Variants in UBE2L3 observed in about 807,000 individuals in gnomAD.
The protein encoded by UBE2L3 is ubiquitin conjugating enzyme E2 L3, also known as ubiquitin-conjugating enzyme E2 L3.
In UBE2L3, 1 loss-of-function variant was observed where a neutral mutation model predicts 17.8. The observed-to-expected ratio is 0.06, with a 90% CI of 0.02 to 0.27. The LOEUF (loss-of-function observed/expected upper bound fraction) is 0.27, where lower values mean the gene tolerates loss of function less well. UBE2L3 is among the 10% of genes least tolerant of loss of function. The pLI, the probability that UBE2L3 is intolerant of heterozygous loss-of-function variation, is 1.00. For synonymous variants in UBE2L3, 44 were observed against 68.5 expected (o/e 0.64, Z 1.76); for missense variants, 40 against 192.6 (o/e 0.21, Z 4.69).
intron 2 of UBE2L3, among the ~76,000 whole-genome samples, chr22:21,596,067 T>G (rs919517187): frequency 1.3e-5 from 2 of 152,110 alleles, no homozygotes; most frequent in African/African-American, 2.4e-5. Context: ...GGTTTCACCA[T>G]GTTGGCCAGG....
chr22:21,612,015 G>A (rs1929507781), intron 3 of UBE2L3, among the ~76,000 whole-genome samples: 1 of 152,168 alleles, frequency 6.6e-6, no homozygotes, highest in African/African-American at 2.4e-5. Flanking sequence ...GGTGCCACCA[G>A]TCCCTGTGGG....
intron 3 of UBE2L3, among the ~76,000 whole-genome samples, chr22:21,619,494 C>T (rs1394849931): frequency 6.6e-6 from 1 of 152,194 alleles, no homozygotes; most frequent in Non-Finnish European, 1.5e-5. Flanking sequence ...CTCGCCTCTG[C>T]CCCACTGCTT....
chr22:21,564,582 A>G (rs542622680), upstream of UBE2L3, among the ~76,000 whole-genome samples: 1 of 152,182 alleles, frequency 6.6e-6, no homozygotes, highest in African/African-American at 2.4e-5. Context: ...GCAAAGTGCA[A>G]GGGAGTCATC....
At chr22:21,561,153 G>A (rs1926417630) in intron 1 of UBE2L3, among the ~76,000 whole-genome samples, 1 of 152,286 alleles carries the variant, frequency 6.6e-6, no homozygotes, top group African/African-American at 2.4e-5. Context: ...CCTCTGACCA[G>A]CCAGATGACT....
intron 1 of UBE2L3, among the ~76,000 whole-genome samples, chr22:21,571,049 C>T (rs1390418214): frequency 6.6e-6 from 1 of 152,194 alleles, no homozygotes; most frequent in Non-Finnish European, 1.5e-5. Context: ...ATGATAAAGT[C>T]TTTTATTTCA....
chr22:21,600,367 C>T (rs1238355925), intron 2 of UBE2L3, among the ~76,000 whole-genome samples: 1 of 151,666 alleles, frequency 6.6e-6, no homozygotes, highest in East Asian at 1.9e-4. Flanking sequence ...CTATTTACTT[C>T]CAAAGGGAAT....
At chr22:21,561,613 C>T (rs1412281268) in intron 1 of UBE2L3, among the ~76,000 whole-genome samples, 5 of 152,286 alleles carry the variant, frequency 3.3e-5, no homozygotes, top group African/African-American at 1.2e-4. Context: ...ATGCATCTTC[C>T]TGTCAGCTTA....
intron 3 of UBE2L3, among the ~76,000 whole-genome samples, chr22:21,617,889 C>T (rs923083427): frequency 6.6e-6 from 1 of 152,126 alleles, no homozygotes; most frequent in Admixed American, 6.5e-5. Flanking sequence ...TTTAAAAATA[C>T]TCAGACTTGA....
At chr22:21,578,611 A>T (rs1457909323) in intron 1 of UBE2L3, among the ~76,000 whole-genome samples, 1 of 152,154 alleles carries the variant, frequency 6.6e-6, no homozygotes, top group African/African-American at 2.4e-5. Context: ...ACCCATGTAC[A>T]GATGGACACG....
chr22:21,576,801 C>CTTTTTTTTT (rs757829734), intron 1 of UBE2L3, among the ~76,000 whole-genome samples: 1 of 118,142 alleles, frequency 8.5e-6, no homozygotes, highest in African/African-American at 3.4e-5. Flanking sequence ...CTTCTCTTTC[C>CTTTTTTTTT]TTTTTTTTTT....
chr22:21,586,925 G>T (rs1183061874), intron 1 of UBE2L3, among the ~76,000 whole-genome samples: 2 of 147,742 alleles, frequency 1.4e-5, no homozygotes, highest in Non-Finnish European at 3.0e-5. Context: ...TGTCGCCCAG[G>T]CTGGAGTTGG....
intron 3 of UBE2L3, 28 bp downstream of exon 3, chr22:21,611,071 G>A: frequency 6.4e-7 from 1 of 1,556,450 alleles, no homozygotes; most frequent in Non-Finnish European, 8.7e-7. Flanking sequence ...GTCTTCCTCG[G>A]AGGGGGTCTT....
chr22:21,563,921 G>C (rs1355098485), upstream of UBE2L3, among the ~76,000 whole-genome samples: 1 of 151,842 alleles, frequency 6.6e-6, no homozygotes, highest in African/African-American at 2.4e-5. Flanking sequence ...GCCCAGGCCG[G>C]TCTTGAACTC....
At chr22:21,573,721 C>T (rs906210578) in intron 1 of UBE2L3, among the ~76,000 whole-genome samples, 7 of 152,180 alleles carry the variant, frequency 4.6e-5, no homozygotes, top group African/African-American at 1.2e-4. Flanking sequence ...ATGGGAAATG[C>T]TTTGAGGAGC....
At chr22:21,571,889 T>A (rs1008534545) in intron 1 of UBE2L3, among the ~76,000 whole-genome samples, 1 of 152,118 alleles carries the variant, frequency 6.6e-6, no homozygotes, top group Non-Finnish European at 1.5e-5. Flanking sequence ...GAGCAATGAG[T>A]ATGTCACATG....
chr22:21,611,316 G>C (rs1601438359), intron 3 of UBE2L3, among the ~76,000 whole-genome samples: 1 of 152,206 alleles, frequency 6.6e-6, no homozygotes. Flanking sequence ...CTTGCTGCTG[G>C]TGCAGAGAGG....
chr22:21,612,834 A>G (rs1484894873), intron 3 of UBE2L3, among the ~76,000 whole-genome samples: 1 of 150,378 alleles, frequency 6.6e-6, no homozygotes, highest in African/African-American at 2.4e-5. Context: ...ACGGGGTTTC[A>G]CCACGTTGAC....
intron 1 of UBE2L3, among the ~76,000 whole-genome samples, chr22:21,579,271 C>T (rs1209141431): frequency 6.6e-6 from 1 of 151,982 alleles, no homozygotes; most frequent in Non-Finnish European, 1.5e-5. Context: ...GGATTACAGG[C>T]GTGAGCCACC....
chr22:21,567,910 G>C, intron 1 of UBE2L3, 139 bp downstream of exon 1: 1 of 1,508,278 alleles, frequency 6.6e-7, no homozygotes, highest in Non-Finnish European at 8.9e-7. Flanking sequence ...TGGGCCGCGC[G>C]CAGGCTCAAG....
Sources: gnomAD v4.1 joint callset for allele counts (sites outside exome capture counted in the v4.1 genomes callset) on GRCh38, gnomAD v4.1.1 for gene constraint, MANE v1.5 for transcripts, NCBI Gene and HGNC (gene_info 2026-07-23, HGNC 2026-07-21) for gene names.